The following RIC3 variants were observed in gnomAD, a reference collection of about 807,000 sequenced individuals.
The protein encoded by RIC3 is RIC3 acetylcholine receptor chaperone.
Under a neutral mutation model 27.3 loss-of-function variants are expected in RIC3, and 28 were observed. That is an observed-to-expected ratio of 1.02 (90% CI 0.76 to 1.41). The LOEUF (loss-of-function observed/expected upper bound fraction) is 1.41, where lower values mean the gene tolerates loss of function less well. RIC3 is among the 40% of genes most tolerant of loss of function. The pLI, the probability that RIC3 is intolerant of heterozygous loss-of-function variation, is 0.00. For missense variants in RIC3, 501 were observed against 444.7 expected, an observed-to-expected ratio of 1.13 and a Z score of -1.14; for synonymous variants, 184 against 160.4, an observed-to-expected ratio of 1.15 and a Z score of -1.11.
At chr11:8,100,442 C>G in the RIC3 span, 3 of 1,345,312 alleles carry the variant, frequency 2.2e-6, no homozygotes, top group East Asian at 2.3e-5. Flanking sequence ...CCCGTCCCCC[C>G]CACCTTCTCC....
intron 5 of RIC3, among the ~76,000 whole-genome samples, chr11:8,124,453 T>C (rs532714598): frequency 7.1e-4 from 108 of 152,350 alleles, no homozygotes; most frequent in African/African-American, 2.4e-3. Context: ...CGTTACAGTA[T>C]TGATTCTTCC....
At chr11:8,140,688 T>C (rs1397556775) in intron 1 of RIC3, among the ~76,000 whole-genome samples, 1 of 152,170 alleles carries the variant, frequency 6.6e-6, no homozygotes, top group Non-Finnish European at 1.5e-5. Context: ...CCTCACTAAC[T>C]TAGAGTCATC....
intron 4 of RIC3, among the ~76,000 whole-genome samples, chr11:8,131,378 G>A (rs1349065024): frequency 6.6e-6 from 1 of 152,178 alleles, no homozygotes; most frequent in African/African-American, 2.4e-5. Flanking sequence ...GGATGGTGGA[G>A]CCATTTGCTG....
chr11:8,100,760 A>T, the RIC3 span: 1 of 1,594,668 alleles, frequency 6.3e-7, no homozygotes, highest in Non-Finnish European at 8.6e-7. Flanking sequence ...CCCGGGATAG[A>T]TCCCTTTCTG....
At chr11:8,114,970 G>C (rs1461772629) in intron 5 of RIC3, among the ~76,000 whole-genome samples, 1 of 152,126 alleles carries the variant, frequency 6.6e-6, no homozygotes, top group African/African-American at 2.4e-5. Context: ...AAGCTTATGG[G>C]ATTTATGGGA....
intron 1 of RIC3, among the ~76,000 whole-genome samples, chr11:8,152,525 G>A (rs1565104456): frequency 6.6e-6 from 1 of 152,180 alleles, no homozygotes; most frequent in Admixed American, 6.5e-5. Context: ...CAAGTCTATA[G>A]GACAGAAAGT....
At chr11:8,163,334 C>T (rs1313869147) in intron 1 of RIC3, among the ~76,000 whole-genome samples, 1 of 152,054 alleles carries the variant, frequency 6.6e-6, no homozygotes, top group Non-Finnish European at 1.5e-5. Context: ...CCCCAGATAA[C>T]ATTACATATG....
chr11:8,119,034 T>C (rs188019767), intron 5 of RIC3, among the ~76,000 whole-genome samples: 13 of 152,180 alleles, frequency 8.5e-5, no homozygotes, highest in Admixed American at 4.6e-4. Flanking sequence ...CTATCAACAA[T>C]ATCCAATCTC....
intron 1 of RIC3, among the ~76,000 whole-genome samples, chr11:8,146,440 A>C (rs914188100): frequency 6.6e-6 from 1 of 152,236 alleles, no homozygotes; most frequent in Non-Finnish European, 1.5e-5. Context: ...ATAAAGAACT[A>C]AAAGAATAAA....
At chr11:8,101,376 T>C, downstream of RIC3, 2 of 1,383,340 alleles carry the variant, frequency 1.4e-6, no homozygotes, top group Non-Finnish European at 2.0e-6. Context: ...CTGGCATCTC[T>C]GCTTCTCACT....
At chr11:8,147,137 G>T (rs1949767687) in intron 1 of RIC3, among the ~76,000 whole-genome samples, 3 of 152,170 alleles carry the variant, frequency 2.0e-5, no homozygotes, top group Admixed American at 2.0e-4. Context: ...TGACCTGGAA[G>T]CCCCTTCACC....
chr11:8,098,657 C>A, the RIC3 span: 1 of 846,654 alleles, frequency 1.2e-6, no homozygotes, highest in Non-Finnish European at 1.9e-6. Context: ...CCTGTTCCAG[C>A]CCAGAATGTT....
intron 1 of RIC3, among the ~76,000 whole-genome samples, chr11:8,166,419 C>CA (rs1217035890): frequency 2.0e-5 from 3 of 151,964 alleles, no homozygotes; most frequent in African/African-American, 7.3e-5. Flanking sequence ...CATCAATGGG[C>CA]AAAAATGGAA....
intron 1 of RIC3, among the ~76,000 whole-genome samples, chr11:8,163,841 A>T (rs1352901606): frequency 6.6e-6 from 1 of 151,054 alleles, no homozygotes; most frequent in Non-Finnish European, 1.5e-5. Flanking sequence ...CAGAAACCAA[A>T]GTGATGATCC....
intron 1 of RIC3, among the ~76,000 whole-genome samples, chr11:8,156,450 AATATCAT>A (rs1486648771): frequency 6.6e-6 from 1 of 152,236 alleles, no homozygotes; most frequent in Admixed American, 6.5e-5. Context: ...CAGATTAAAT[AATATCAT>A]ATATACAAAG....
the RIC3 span, chr11:8,098,727 T>C: frequency 1.3e-5 from 20 of 1,528,554 alleles, no homozygotes; most frequent in Non-Finnish European, 1.8e-5. Context: ...AGAGGGTGCA[T>C]GACTCTATAC....
chr11:8,166,469 A>G (rs573481477), intron 1 of RIC3, among the ~76,000 whole-genome samples: 1 of 152,346 alleles, frequency 6.6e-6, no homozygotes, highest in South Asian at 2.1e-4. Context: ...TCAAATACTC[A>G]GGGTTATTCC....
intron 1 of RIC3, chr11:8,153,394 G>A (rs767852989): frequency 2.2e-6 from 1 of 451,946 alleles, no homozygotes; most frequent in Non-Finnish European, 4.4e-6. Context: ...CAAATCCAAT[G>A]GCTTTTTGTC....
intron 1 of RIC3, among the ~76,000 whole-genome samples, chr11:8,162,629 C>CTTTTTTTTTTTTT (rs757717970): frequency 1.9e-4 from 16 of 83,730 alleles, no homozygotes; most frequent in Admixed American, 2.7e-4. Flanking sequence ...CATGCTTCTT[C>CTTTTTTTTTTTTT]TTTTTTTTTT....
Sources: allele counts gnomAD v4.1 joint callset (sites outside exome capture counted in the v4.1 genomes callset), GRCh38; gene constraint gnomAD v4.1.1; transcripts MANE v1.5; gene names NCBI Gene and HGNC (gene_info 2026-07-23, HGNC 2026-07-21).